The following MARCHF10 variants were observed in gnomAD, a reference collection of about 807,000 sequenced individuals.
MARCHF10 encodes the protein membrane associated ring-CH-type finger 10.
A neutral mutation model predicts 76.2 loss-of-function variants in MARCHF10; 64 were observed. That is an observed-to-expected ratio of 0.84 (90% confidence interval 0.69 to 1.03). MARCHF10 has a LOEUF of 1.03. Ranked by LOEUF, MARCHF10 falls within the 50% of genes least tolerant of loss-of-function variation. MARCHF10 has a pLI of 0.00. For missense variants in MARCHF10, 875 were observed against 958.0 expected, an observed-to-expected ratio of 0.91 and a Z score of 1.14; for synonymous variants, 340 against 357.5, an observed-to-expected ratio of 0.95 and a Z score of 0.55.
intron 2 of MARCHF10, among the ~76,000 whole-genome samples, chr17:62,793,248 CACA>C (rs1226013587): frequency 1.4e-5 from 2 of 141,954 alleles, no homozygotes; most frequent in Non-Finnish European, 3.1e-5. Context: ...CCACCACCAC[CACA>C]ACTATCACCA....
chr17:62,733,122 T>G (rs1192425461), intron 6 of MARCHF10, among the ~76,000 whole-genome samples: 1 of 152,020 alleles, frequency 6.6e-6, no homozygotes, highest in Non-Finnish European at 1.5e-5. Flanking sequence ...TAAAGGTATT[T>G]TAAAATAAAA....
intron 2 of MARCHF10, among the ~76,000 whole-genome samples, chr17:62,789,997 C>G (rs1376320712): frequency 6.6e-6 from 1 of 151,974 alleles, no homozygotes; most frequent in Non-Finnish European, 1.5e-5. Context: ...ATATCAATCC[C>G]TAAGTGCAAA....
chr17:62,746,649 G>A (rs774073873), intron 4 of MARCHF10, among the ~76,000 whole-genome samples: 1 of 152,186 alleles, frequency 6.6e-6, no homozygotes, highest in African/African-American at 2.4e-5. Context: ...AACTCATGGA[G>A]AGAAGAGGAA....
chr17:62,787,780 A>C (rs2092770835), intron 3 of MARCHF10, among the ~76,000 whole-genome samples: 1 of 152,152 alleles, frequency 6.6e-6, no homozygotes, highest in African/African-American at 2.4e-5. Context: ...ATAGATAAGG[A>C]TAGGTGATAG....
At position 62,701,613 on chromosome 17, in the gene MARCHF10, T is replaced by C; in HGVS notation, c.*90A>G. 2 of 1,606,788 alleles carry C rather than the reference T, an allele frequency of 1.2e-6. No individual in the cohort carries two copies. Among genetic ancestry groups the C allele is most frequent in the Non-Finnish European group, 1.7e-6 (2 of 1,177,856 alleles). ...GTGAACGCTTTGGTTTCAGTTTCAGTAAAGAGGAGGAGGGAGGGAGGCACT... is the reference window on the plus strand; with the variant it reads ...GTGAACGCTTTGGTTTCAGTTTCAGCAAAGAGGAGGAGGGAGGGAGGCACT... On this transcript the variant is annotated 3_prime_UTR_variant, in exon 11 of 11. Coordinates refer to ENST00000311269, the MANE Select transcript of MARCHF10 (RefSeq NM_152598.4).
chr17:62,792,662 AACC>A lies in MARCHF10; in HGVS notation c.91-4066_91-4064del, dbSNP rs201134139. ...CACAACCATCACCAACACAACCATC[AACC>A]ACCACCACCACCACCTCCATCACCA... On this transcript the variant is annotated intron_variant, in intron 2 of 10. Coordinates refer to ENST00000311269, the MANE Select transcript of MARCHF10 (RefSeq NM_152598.4). 5.0e-3 allele frequency among the ~76,000 whole-genome samples: 606 copies of A among 122,270 alleles called. 3 individuals carry two copies. The highest frequency in any genetic ancestry group is 0.019 in the African/African-American group (507 of 27,306). 80.2% of individuals were successfully genotyped at this position (122,270 alleles called of 152,430 possible).
At chr17:62,793,547 C>A (rs1228094195) in intron 2 of MARCHF10, among the ~76,000 whole-genome samples, 1 of 135,146 alleles carries the variant, frequency 7.4e-6, no homozygotes, top group African/African-American at 2.9e-5. Flanking sequence ...ACCACCACCT[C>A]CACTGCCACC....
chr17:62,788,530 C>G lies in MARCHF10; in HGVS notation c.160G>C (p.Glu54Gln). ...EKKRDQFWGQETSFERSRFSS... is the reference protein window; with the variant it reads ...EKKRDQFWGQQTSFERSRFSS... ...AACCGGGATCTCTCAAAACTTGTCTCTTGCCCCCAAAACTGATCGCGTTTC... is the reference window on the plus strand; with the variant it reads ...AACCGGGATCTCTCAAAACTTGTCTGTTGCCCCCAAAACTGATCGCGTTTC... The change falls in exon 3 of 11, where the codon GAG becomes CAG. Residue 54 changes from glutamate to glutamine, a missense_variant. Transcript: ENST00000311269. 1 of 1,614,152 alleles carries G rather than the reference C, an allele frequency of 6.2e-7. No individual in the cohort carries two copies. Among genetic ancestry groups the G allele is most frequent in the Non-Finnish European group, 8.5e-7 (1 of 1,180,030 alleles).
intron 3 of MARCHF10, among the ~76,000 whole-genome samples, chr17:62,786,435 G>A (rs1037886295): frequency 4.1e-4 from 63 of 152,156 alleles, no homozygotes; most frequent in Non-Finnish European, 6.3e-4. Flanking sequence ...TAATGTAGAT[G>A]AGGAGTTAAT....
intron 2 of MARCHF10, among the ~76,000 whole-genome samples, chr17:62,790,622 C>T (rs2092826017): frequency 6.6e-6 from 1 of 152,236 alleles, no homozygotes; most frequent in Non-Finnish European, 1.5e-5. Context: ...GGCCTGACAA[C>T]TGCCCTTCCT....
Position 62,701,521 on chromosome 17 carries a change from G to A in MARCHF10, c.*182C>T, listed in dbSNP as rs1223844336. ...TGTGCTGTCTGGGACTAGACTGGTC[G>A]CTGTGGCTGCCCATAGATGCTCAAG... On this transcript the variant is annotated 3_prime_UTR_variant, in exon 11 of 11. Coordinates refer to ENST00000311269, the MANE Select transcript of MARCHF10 (RefSeq NM_152598.4). The A allele has an allele frequency of 1.5e-5, 21 of 1,375,196 alleles. No individual in the cohort carries two copies. Among genetic ancestry groups the A allele is most frequent in the African/African-American group, 7.2e-5 (5 of 69,472 alleles). The allele number at this position is 1,375,196 out of a possible 1,614,324, so 85.2% of individuals were successfully genotyped here.
rs2091328320 is a variant in MARCHF10, at chr17:62,737,519, A to T, written c.536-187T>A. The T allele has an allele frequency of 1.3e-5, 8 of 608,652 alleles. No individual in the cohort carries two copies. The East Asian group carries it at 2.3e-4, about 17-fold the overall frequency. The allele number at this position is 608,652 out of a possible 1,614,324, so 37.7% of individuals were successfully genotyped here. A position where few individuals can be genotyped will look rare whatever the true frequency, so the allele number is the denominator to read the frequency against. On this transcript the variant is annotated intron_variant, in intron 5 of 10. Transcript: ENST00000311269. ...AGCAGGCTTCATTTTACTGCCCCGT[A>T]TTCTCCTTTGTACCCCTGTGGTCCT...
In MARCHF10 at chr17:62,736,587, C is replaced by G. The variant is rs1599154325; in HGVS notation, c.1281G>C (p.Val427=). The change falls in exon 6 of 11, where the codon GTG becomes GTC. Residue 427 remains valine (V), a synonymous_variant. Coordinates refer to ENST00000311269, the MANE Select transcript of MARCHF10 (RefSeq NM_152598.4). ...AATCATGGGTGCCAGGCCTATGTTC[C>G]ACAGAAATACAATCACTCCATACAT... ...AENVWSDCIS[V]EHRPGTHDSE... is the part of the protein sequence containing the mutation. 1 of 1,614,124 alleles carries G rather than the reference C, an allele frequency of 6.2e-7. No individual in the cohort carries two copies. The highest frequency in any genetic ancestry group is 8.5e-7 in the Non-Finnish European group (1 of 1,180,030).
rs1282163701 is a variant in MARCHF10, at chr17:62,725,065, A to T, written c.1977T>A (p.Cys659Ter). 2 of 1,604,952 alleles carry T rather than the reference A, an allele frequency of 1.2e-6. No homozygotes were observed. The highest frequency in any genetic ancestry group is 1.7e-6 in the Non-Finnish European group (2 of 1,176,866). Residue 659 changes from cysteine (C) to a stop codon, truncating the protein, a stop_gained, in exon 7 of 11, where the codon TGT becomes TGA. Transcript: ENST00000311269. LOFTEE classifies it high-confidence loss of function. ...AACCCCCGGCTATCTGACAGATGCG[A>T]CACAAGTCTCCCTCCTCCTCGGAGT... ...EEDSEEEGDL[C>*]RICQIAGGSP...
chr17:62,758,368 A>C (rs1259242890), intron 4 of MARCHF10, among the ~76,000 whole-genome samples: 4 of 152,138 alleles, frequency 2.6e-5, no homozygotes, highest in African/African-American at 7.2e-5. Context: ...AAACAAACAA[A>C]AACAACAACA....
intron 3 of MARCHF10, among the ~76,000 whole-genome samples, chr17:62,775,899 C>T (rs1473031355): frequency 6.6e-6 from 1 of 152,122 alleles, no homozygotes; most frequent in Non-Finnish European, 1.5e-5. Flanking sequence ...TCACTGCAGC[C>T]TTGAACCCCT....
chr17:62,758,326 G>A (rs981248362), intron 4 of MARCHF10, among the ~76,000 whole-genome samples: 6 of 152,124 alleles, frequency 3.9e-5, no homozygotes, highest in African/African-American at 1.4e-4. Flanking sequence ...TCCAGCCTGG[G>A]CAACAGAGCG....
intron 7 of MARCHF10, 149 bp downstream of exon 7, chr17:62,724,789 G>T: frequency 1.3e-6 from 1 of 796,130 alleles, no homozygotes; most frequent in South Asian, 1.7e-5. Context: ...CAGCTTTTAT[G>T]AGCAAGGATC....
intron 6 of MARCHF10, 77 bp downstream of exon 6, chr17:62,735,854 A>G: frequency 7.2e-7 from 1 of 1,384,488 alleles, no homozygotes; most frequent in Non-Finnish European, 9.9e-7. Context: ...TAAAATTCCC[A>G]TGGCTCTCTA....
Sources: gnomAD v4.1 joint callset for allele counts (sites outside exome capture counted in the v4.1 genomes callset) on GRCh38, gnomAD v4.1.1 for gene constraint, MANE v1.5 for transcripts, NCBI Gene and HGNC (gene_info 2026-07-23, HGNC 2026-07-21) for gene names.